Variants in NUMB observed in about 807,000 individuals in gnomAD.
NUMB encodes protein numb homolog.
Under a neutral mutation model 59.7 loss-of-function variants are expected in NUMB, and 29 were observed. That is an observed-to-expected ratio of 0.49 (90% CI 0.36 to 0.66). The LOEUF (loss-of-function observed/expected upper bound fraction) is 0.66, where lower values mean the gene tolerates loss of function less well. NUMB is among the 30% of genes least tolerant of loss of function. The pLI is 0.00. For missense variants in NUMB, 723 were observed against 822.0 expected, an observed-to-expected ratio of 0.88 and a Z score of 1.47; for synonymous variants, 288 against 288.2, an observed-to-expected ratio of 1.00 and a Z score of 0.01.
chr14:73,322,617 T>C (rs779061794), intron 5 of NUMB, among the ~76,000 whole-genome samples: 4 of 152,138 alleles, frequency 2.6e-5, no homozygotes, highest in Non-Finnish European at 1.5e-5. Flanking sequence ...AAACCCCTAA[T>C]TTATAGCCCA....
At chr14:73,377,089 T>C (rs1373680924) in intron 2 of NUMB, among the ~76,000 whole-genome samples, 1 of 152,146 alleles carries the variant, frequency 6.6e-6, no homozygotes, top group Non-Finnish European at 1.5e-5. Context: ...TAACTCAAAA[T>C]GGATCACAGA....
intron 4 of NUMB, among the ~76,000 whole-genome samples, chr14:73,351,924 C>T (rs895902294): frequency 3.3e-5 from 5 of 150,584 alleles, no homozygotes; most frequent in Admixed American, 6.6e-5. Flanking sequence ...TGCAGTGAGC[C>T]GAGATGGCGC....
At chr14:73,377,407 G>T (rs533348982) in intron 2 of NUMB, among the ~76,000 whole-genome samples, 4 of 151,904 alleles carry the variant, frequency 2.6e-5, no homozygotes, top group African/African-American at 9.7e-5. Flanking sequence ...GAGGCCAAGG[G>T]GGGCAGGCAG....
intron 4 of NUMB, among the ~76,000 whole-genome samples, chr14:73,350,555 C>CTT (rs201806108): frequency 1.4e-5 from 2 of 146,282 alleles, no homozygotes; most frequent in African/African-American, 5.0e-5. Flanking sequence ...ACTTTTTTTT[C>CTT]TTTTTTTTTT....
intron 6 of NUMB, among the ~76,000 whole-genome samples, chr14:73,312,713 C>CA (rs544005367): frequency 0.16 from 9,980 of 63,716 alleles, 884 homozygotes; most frequent in African/African-American, 0.33. Context: ...GACCCTGTCT[C>CA]AAAAAAAAAA....
intron 2 of NUMB, among the ~76,000 whole-genome samples, chr14:73,376,177 C>A (rs1398286786): frequency 6.6e-6 from 1 of 152,072 alleles, no homozygotes; most frequent in Non-Finnish European, 1.5e-5. Flanking sequence ...GAAAAAACTT[C>A]CAGAATTAAT....
intron 4 of NUMB, among the ~76,000 whole-genome samples, chr14:73,328,849 T>C (rs1016476287): frequency 2.0e-5 from 3 of 152,220 alleles, no homozygotes; most frequent in African/African-American, 7.2e-5. Context: ...TGTTTTTTCC[T>C]AGTCTCTGCC....
chr14:73,310,985 G>A (rs1450833924), intron 6 of NUMB, among the ~76,000 whole-genome samples: 2 of 152,130 alleles, frequency 1.3e-5, no homozygotes, highest in Non-Finnish European at 2.9e-5. Flanking sequence ...TATGAATGAA[G>A]CTGCATGTAA....
rs996281343 is a variant in NUMB, at chr14:73,384,770, G to A, written c.-100-17789C>T. On this transcript the variant is annotated intron_variant, in intron 2 of 12. Coordinates refer to ENST00000555238, the MANE Select transcript of NUMB (RefSeq NM_001005743.2). ...TGTTTGTTTGTTTGTTAGAGATGAG[G>A]TCTTGCCATGTTGCCTAGGCTGGTC... is the stretch of plus-strand genomic sequence containing the variant. 8.6e-5 allele frequency among the ~76,000 whole-genome samples: 13 copies of A among 151,204 alleles called. No homozygotes were observed. In the East Asian group the frequency reaches 2.5e-3, roughly 29 times the overall value.
intron 4 of NUMB, among the ~76,000 whole-genome samples, chr14:73,352,487 T>C (rs1420274544): frequency 0.031 from 177 of 5,768 alleles, 9 homozygotes; most frequent in South Asian, 0.083. Flanking sequence ...CATATATATA[T>C]ATATATATAT....
intron 1 of NUMB, among the ~76,000 whole-genome samples, chr14:73,410,598 G>A (rs1896854488): frequency 6.6e-6 from 1 of 152,224 alleles, no homozygotes. Flanking sequence ...TGCTTACTAT[G>A]AAACTGTCCT....
chr14:73,389,001 C>T (rs900013305), intron 2 of NUMB, among the ~76,000 whole-genome samples: 2 of 150,488 alleles, frequency 1.3e-5, no homozygotes, highest in African/African-American at 4.9e-5. Flanking sequence ...AGAGAGGCTG[C>T]GGCAGAAGAA....
At chr14:73,420,335 C>T (rs1170164879) in intron 1 of NUMB, among the ~76,000 whole-genome samples, 1 of 152,208 alleles carries the variant, frequency 6.6e-6, no homozygotes, top group African/African-American at 2.4e-5. Flanking sequence ...CTGTCTTCAA[C>T]TGTGAAAATG....
chr14:73,442,463 G>A (rs962133465), intron 1 of NUMB, among the ~76,000 whole-genome samples: 7 of 152,120 alleles, frequency 4.6e-5, no homozygotes, highest in African/African-American at 1.7e-4. Context: ...TTATGTGAAT[G>A]TTCATATTGG....
At chr14:73,426,104 C>T (rs553993189) in intron 1 of NUMB, among the ~76,000 whole-genome samples, 7 of 152,184 alleles carry the variant, frequency 4.6e-5, no homozygotes, top group African/African-American at 1.7e-4. Flanking sequence ...GCCACCGTGC[C>T]CAGCCTCTAA....
chr14:73,371,543 A>C (rs1213761559), intron 2 of NUMB, among the ~76,000 whole-genome samples: 1 of 152,134 alleles, frequency 6.6e-6, no homozygotes, highest in East Asian at 1.9e-4. Context: ...CAAAAAAAAA[A>C]AACTTACTAT....
chr14:73,365,977 A>G (rs1594953294), intron 3 of NUMB, among the ~76,000 whole-genome samples: 2 of 152,240 alleles, frequency 1.3e-5, no homozygotes, highest in South Asian at 4.1e-4. Flanking sequence ...GCACTCCTGC[A>G]AGTGATAAAA....
rs144578306 is a variant in NUMB, at chr14:73,427,666, T to G, written c.-232-17598A>C. Among the ~76,000 whole-genome samples the G allele has an allele frequency of 2.8e-4, 43 of 152,216 alleles. No individual in the cohort carries two copies. In the South Asian group the frequency reaches 8.3e-3, roughly 29 times the overall value. On this transcript the variant is annotated intron_variant, in intron 1 of 12. Coordinates refer to ENST00000555238, the MANE Select transcript of NUMB (RefSeq NM_001005743.2). ...GACAGTGAAAGCCAGTTCTCAAGTATAGAAGACAACTAAAGCTGCTGTTAT... is the reference window on the plus strand; with the variant it reads ...GACAGTGAAAGCCAGTTCTCAAGTAGAGAAGACAACTAAAGCTGCTGTTAT...
At chr14:73,444,075 A>G (rs967720066) in intron 1 of NUMB, among the ~76,000 whole-genome samples, 4 of 152,016 alleles carry the variant, frequency 2.6e-5, no homozygotes, top group Admixed American at 2.6e-4. Context: ...GCCCGGGCCG[A>G]GAGCTTTTAA....
Sources: allele counts gnomAD v4.1 joint callset (sites outside exome capture counted in the v4.1 genomes callset), GRCh38; gene constraint gnomAD v4.1.1; transcripts MANE v1.5; gene names NCBI Gene and HGNC (gene_info 2026-07-23, HGNC 2026-07-21).